NBAS: variants seen among roughly 807,000 people sequenced by gnomAD.
NBAS encodes NBAS subunit of NRZ tethering complex.
In NBAS, 219 loss-of-function variants were observed where a neutral mutation model predicts 302.5. The ratio of observed to expected loss-of-function variants is 0.72; its 90% CI spans 0.65 to 0.81. NBAS has a LOEUF of 0.81. Among genes scored for constraint, NBAS ranks in the 30% least tolerant of loss-of-function variants. NBAS has a pLI of 0.00. For synonymous variants in NBAS, 1,118 were observed against 1,021.6 expected (o/e 1.09, Z -1.80); for missense variants, 2,932 against 2,841.6 (o/e 1.03, Z -0.72).
the NBAS span, among the ~76,000 whole-genome samples, chr2:14,994,568 G>T: frequency 6.6e-6 from 1 of 152,100 alleles, no homozygotes; most frequent in Non-Finnish European, 1.5e-5. Context: ...GACGCTCCTC[G>T]ATTCTCTTCT....
intron 21 of NBAS, among the ~76,000 whole-genome samples, chr2:15,437,746 GAAC>G (rs1678103551): frequency 6.6e-6 from 1 of 151,990 alleles, no homozygotes; most frequent in South Asian, 2.1e-4. Context: ...AACCTTTATT[GAAC>G]AACTAAAATT....
chr2:15,070,956 G>A, the NBAS span, among the ~76,000 whole-genome samples: 1 of 152,110 alleles, frequency 6.6e-6, no homozygotes, highest in Admixed American at 6.6e-5. Flanking sequence ...TCATTTTGCT[G>A]GTGGAGAAAC....
At chr2:15,032,983 C>T in the NBAS span, among the ~76,000 whole-genome samples, 1 of 152,210 alleles carries the variant, frequency 6.6e-6, no homozygotes, top group African/African-American at 2.4e-5. Context: ...CAACCAACCT[C>T]TGCCCAAAGC....
the NBAS span, among the ~76,000 whole-genome samples, chr2:15,010,903 C>T: frequency 6.6e-6 from 1 of 152,204 alleles, no homozygotes; most frequent in Admixed American, 6.5e-5. Flanking sequence ...CTCATAACTG[C>T]ACTAGGCTGA....
chr2:15,558,655 CACTT>C (rs1378423901), intron 1 of NBAS, 21 bp from the exon 2 acceptor site: 1 of 1,594,628 alleles, frequency 6.3e-7, no homozygotes, highest in South Asian at 1.1e-5. Flanking sequence ...AAACAAAAAA[CACTT>C]ACATTTGAAT....
the NBAS span, among the ~76,000 whole-genome samples, chr2:14,821,159 C>T: frequency 1.3e-5 from 2 of 152,066 alleles, no homozygotes; most frequent in South Asian, 2.1e-4. Context: ...ATCTCCTGAC[C>T]TCGTGATCCG....
chr2:15,144,067 A>ATATATATATATATATG, the NBAS span, among the ~76,000 whole-genome samples: 1 of 115,826 alleles, frequency 8.6e-6, no homozygotes, highest in African/African-American at 3.4e-5. Context: ...ATATATATAT[A>ATATATATATATATATG]TCTCCCATTA....
Position 15,255,477 on chromosome 2 carries a change from C to T in NBAS, c.5725-16791G>A, listed in dbSNP as rs1668550957. ...TTCTGGATTAGTCCTTTATCAGATG[C>T]TTAGTTTGTGAATATTTTCTCCCAC... On this transcript the variant is annotated intron_variant, in intron 44 of 51. Transcript: ENST00000281513. 1.3e-5 allele frequency among the ~76,000 whole-genome samples: 2 copies of T among 152,054 alleles called. 1 individual carries two copies. The highest frequency in any genetic ancestry group is 4.1e-4 in the South Asian group (2 of 4,820).
the NBAS span, among the ~76,000 whole-genome samples, chr2:15,101,596 T>C: frequency 0.32 from 48,820 of 151,936 alleles, 8,183 homozygotes; most frequent in South Asian, 0.4. Context: ...GGGGCAGGTG[T>C]GAGCTTATTG....
the NBAS span, among the ~76,000 whole-genome samples, chr2:14,924,286 A>G: frequency 2.0e-5 from 3 of 152,240 alleles, no homozygotes; most frequent in Non-Finnish European, 4.4e-5. Context: ...AGATTTCAAC[A>G]TCCCCAAAAA....
At chr2:15,153,942 G>C in the NBAS span, among the ~76,000 whole-genome samples, 1 of 152,200 alleles carries the variant, frequency 6.6e-6, no homozygotes, top group Non-Finnish European at 1.5e-5. Flanking sequence ...TAGGAGCTTG[G>C]AAATAAAGGG....
intron 5 of NBAS, 68 bp from the exon 6 acceptor site, chr2:15,551,604 T>C: frequency 1.7e-6 from 2 of 1,172,554 alleles, no homozygotes; most frequent in Non-Finnish European, 1.2e-6. Flanking sequence ...AAATACCAGA[T>C]ACTGTGGACT....
the NBAS span, among the ~76,000 whole-genome samples, chr2:14,894,130 T>C: frequency 0.038 from 5,782 of 152,262 alleles, 139 homozygotes; most frequent in Non-Finnish European, 0.051. Flanking sequence ...TTTGTTACCT[T>C]TAGACTTACA....
At chr2:15,014,718 A>G in the NBAS span, among the ~76,000 whole-genome samples, 14 of 152,022 alleles carry the variant, frequency 9.2e-5, no homozygotes, top group African/African-American at 3.4e-4. Context: ...CAACTTAATG[A>G]TACATCTGAA....
the NBAS span, among the ~76,000 whole-genome samples, chr2:15,112,379 A>G: frequency 6.6e-6 from 1 of 152,134 alleles, no homozygotes; most frequent in Non-Finnish European, 1.5e-5. Flanking sequence ...AAAAATTAAT[A>G]AAAGGAATTA....
At chr2:15,277,826 G>A (rs1387640402) in intron 42 of NBAS, among the ~76,000 whole-genome samples, 1 of 152,178 alleles carries the variant, frequency 6.6e-6, no homozygotes. Context: ...CTTTTAGAAG[G>A]GGAAAGGAGG....
At chr2:15,053,467 C>G in the NBAS span, among the ~76,000 whole-genome samples, 2 of 152,178 alleles carry the variant, frequency 1.3e-5, no homozygotes, top group African/African-American at 4.8e-5. Context: ...ACAGGAAGTT[C>G]TGTAAGTCTC....
chr2:15,258,549 TG>T lies in NBAS; in HGVS notation c.5724+16934del, dbSNP rs1445358916. 2.6e-5 allele frequency among the ~76,000 whole-genome samples: 4 copies of T among 152,246 alleles called. No homozygotes were observed. The East Asian group carries it at 7.7e-4, about 29-fold the overall frequency. On this transcript the variant is annotated intron_variant, in intron 44 of 51. Transcript: ENST00000281513. ...GGGGGAGGTCTATAAACGGCCACTCTGGGAGTGTCTGTCCTACGCGGTTGAG... is the reference window on the plus strand; with the variant it reads ...GGGGGAGGTCTATAAACGGCCACTCTGGAGTGTCTGTCCTACGCGGTTGAG...
chr2:14,832,142 C>T, the NBAS span, among the ~76,000 whole-genome samples: 4 of 152,142 alleles, frequency 2.6e-5, no homozygotes, highest in Non-Finnish European at 5.9e-5. Context: ...CACCCTCCAC[C>T]CTTCTCTAAT....
Sources: gnomAD v4.1 joint callset for allele counts (sites outside exome capture counted in the v4.1 genomes callset) on GRCh38, gnomAD v4.1.1 for gene constraint, MANE v1.5 for transcripts, NCBI Gene and HGNC (gene_info 2026-07-23, HGNC 2026-07-21) for gene names.